The following KLHL1 variants were observed in gnomAD, a reference collection of about 807,000 sequenced individuals.
KLHL1 encodes the protein kelch-like protein 1.
In KLHL1, 47 loss-of-function variants were observed where a neutral mutation model predicts 77.7. The observed-to-expected ratio is 0.60, with a 90% CI of 0.48 to 0.77. The LOEUF is 0.77. Ranked by LOEUF, KLHL1 falls within the 30% of genes least tolerant of loss-of-function variation. KLHL1 has a pLI of 0.00. For synonymous variants in KLHL1, 360 were observed against 325.2 expected (o/e 1.11, Z -1.15); for missense variants, 925 against 910.8 (o/e 1.02, Z -0.20).
intron 4 of KLHL1, among the ~76,000 whole-genome samples, chr13:69,902,914 A>T (rs1396374157): frequency 6.6e-6 from 1 of 152,194 alleles, no homozygotes; most frequent in African/African-American, 2.4e-5. Flanking sequence ...ATAAAAAATA[A>T]ATAAATAGAT....
intron 4 of KLHL1, among the ~76,000 whole-genome samples, chr13:69,902,606 G>C (rs1318270976): frequency 6.6e-6 from 1 of 152,036 alleles, no homozygotes; most frequent in Non-Finnish European, 1.5e-5. Context: ...GTCCTTTGTA[G>C]GGACATGGAT....
At chr13:69,725,269 G>A (rs939168908) in intron 8 of KLHL1, among the ~76,000 whole-genome samples, 2 of 152,130 alleles carry the variant, frequency 1.3e-5, no homozygotes, top group South Asian at 4.1e-4. Context: ...ATGGAGTAAT[G>A]CTAAAATCCC....
intron 1 of KLHL1, among the ~76,000 whole-genome samples, chr13:70,080,234 C>A (rs1003431931): frequency 6.6e-6 from 1 of 152,118 alleles, no homozygotes; most frequent in Non-Finnish European, 1.5e-5. Flanking sequence ...ATTTGAGGAG[C>A]ATGCCAACGT....
At chr13:69,949,778 G>A (rs1315366428) in intron 3 of KLHL1, among the ~76,000 whole-genome samples, 1 of 151,738 alleles carries the variant, frequency 6.6e-6, no homozygotes, top group Non-Finnish European at 1.5e-5. Flanking sequence ...AAAAAGGAAG[G>A]AGAGTTAAAG....
intron 1 of KLHL1, among the ~76,000 whole-genome samples, chr13:70,049,683 A>C (rs1267793308): frequency 2.6e-5 from 4 of 152,196 alleles, no homozygotes; most frequent in Non-Finnish European, 5.9e-5. Context: ...TTAACTCCAT[A>C]ATAAACTTAG....
rs1875445606 is a variant in KLHL1, at chr13:69,769,139, T to C, written c.1639+27599A>G. Among the ~76,000 whole-genome samples, 3 of 152,164 alleles carry C rather than the reference T, an allele frequency of 2.0e-5. No individual in the cohort carries two copies. The South Asian group carries it at 6.2e-4, about 32-fold the overall frequency. The stretch of plus-strand genomic sequence containing the variant: ...AGTACAGAGGAAAGAATCACTGTCA[T>C]TGCACAGGGTTGTAAGTCAAGGAAG... On this transcript the variant is annotated intron_variant, in intron 7 of 10. Coordinates refer to ENST00000377844, the MANE Select transcript of KLHL1 (RefSeq NM_020866.3).
chr13:69,723,357 T>G (rs969683714), intron 8 of KLHL1, among the ~76,000 whole-genome samples: 2 of 152,182 alleles, frequency 1.3e-5, no homozygotes, highest in Non-Finnish European at 2.9e-5. Flanking sequence ...GATACATGTT[T>G]AAGGTGATTA....
intron 5 of KLHL1, among the ~76,000 whole-genome samples, chr13:69,842,576 A>G (rs568374710): frequency 1.3e-5 from 2 of 151,994 alleles, no homozygotes; most frequent in African/African-American, 4.8e-5. Context: ...TGAAACTTAC[A>G]TAGTGTTTGT....
chr13:70,063,286 G>A (rs527586940), intron 1 of KLHL1, among the ~76,000 whole-genome samples: 5 of 152,060 alleles, frequency 3.3e-5, no homozygotes, highest in Admixed American at 1.3e-4. Flanking sequence ...TTATTTCAGG[G>A]AGCCCCTCCA....
chr13:70,092,546 T>C (rs1270143320), intron 1 of KLHL1, among the ~76,000 whole-genome samples: 1 of 152,194 alleles, frequency 6.6e-6, no homozygotes, highest in Non-Finnish European at 1.5e-5. Context: ...TTTTATATTA[T>C]TAGATACAAA....
In KLHL1 at chr13:70,108,341, A is replaced by T. The variant is rs1888129488; in HGVS notation, c.-642T>A. 1 of 280,276 alleles carries T rather than the reference A, an allele frequency of 3.6e-6. No individual in the cohort carries two copies. The highest frequency in any genetic ancestry group is 2.2e-5 in the African/African-American group (1 of 45,880). 17.4% of individuals were successfully genotyped at this position (280,276 alleles called of 1,614,324 possible). A position where few individuals can be genotyped will look rare whatever the true frequency, so the allele number is the denominator to read the frequency against. ...AGTCAATTGCTTTCTGCAATGCCAG[A>T]AGAGGTGGTTTTATATAGTCAGTTT... On this transcript the variant is annotated 5_prime_UTR_variant, in exon 1 of 11. Coordinates refer to ENST00000377844, the MANE Select transcript of KLHL1 (RefSeq NM_020866.3).
intron 4 of KLHL1, among the ~76,000 whole-genome samples, chr13:69,928,536 C>T (rs1286469224): frequency 1.3e-5 from 2 of 152,026 alleles, no homozygotes; most frequent in African/African-American, 4.8e-5. Flanking sequence ...GTCCATCAAC[C>T]GATGAATGGA....
At chr13:69,717,963 G>A (rs1424304) in intron 9 of KLHL1, among the ~76,000 whole-genome samples, 81,270 of 151,776 alleles carry the variant, frequency 0.54, 22,193 homozygotes, top group East Asian at 0.67. Context: ...TTCACAGAGT[G>A]GCAATATTGG....
Position 69,975,809 on chromosome 13 carries a change from A to C in KLHL1, c.498-7T>G, listed in dbSNP as rs773948860. 6.3e-7 allele frequency: 1 copy of C among 1,597,806 alleles called. No homozygotes were observed. Among genetic ancestry groups the C allele is most frequent in the Non-Finnish European group, 8.5e-7 (1 of 1,173,472 alleles). On this transcript the variant is annotated splice_region_variant and splice_polypyrimidine_tract_variant and intron_variant, in intron 1 of 10. Transcript: ENST00000377844. ...ATGGCCGGTTGATGACAGCCTATAA[A>C]CCACACACACACACACACACACACA...
At chr13:70,021,838 T>C (rs1226455806) in intron 1 of KLHL1, among the ~76,000 whole-genome samples, 1 of 152,028 alleles carries the variant, frequency 6.6e-6, no homozygotes, top group Non-Finnish European at 1.5e-5. Flanking sequence ...TGGTTTTTGT[T>C]TTGTTTTGTT....
chr13:70,087,891 G>T (rs971292449), intron 1 of KLHL1, among the ~76,000 whole-genome samples: 4 of 152,064 alleles, frequency 2.6e-5, no homozygotes, highest in Non-Finnish European at 5.9e-5. Flanking sequence ...GACAGAGAGG[G>T]GAACAACACA....
At chr13:69,749,458 T>C (rs1057381064) in intron 7 of KLHL1, among the ~76,000 whole-genome samples, 1 of 151,970 alleles carries the variant, frequency 6.6e-6, no homozygotes, top group African/African-American at 2.4e-5. Context: ...ATATAATTAT[T>C]TATAATTTTT....
At chr13:70,019,455 T>C (rs916156614) in intron 1 of KLHL1, among the ~76,000 whole-genome samples, 20 of 140,698 alleles carry the variant, frequency 1.4e-4, no homozygotes, top group Non-Finnish European at 3.0e-4. Context: ...AAGAGGCAGG[T>C]ACTATTATTT....
At chr13:69,955,285 A>G (rs1419574555) in intron 3 of KLHL1, among the ~76,000 whole-genome samples, 7 of 151,378 alleles carry the variant, frequency 4.6e-5, no homozygotes, top group African/African-American at 1.7e-4. Context: ...ATGTGTGTAT[A>G]TTTATTTCAT....
Sources: gnomAD v4.1 joint callset for allele counts (sites outside exome capture counted in the v4.1 genomes callset) on GRCh38, gnomAD v4.1.1 for gene constraint, MANE v1.5 for transcripts, NCBI Gene and HGNC (gene_info 2026-07-23, HGNC 2026-07-21) for gene names.